The following DSC1 variants were observed in gnomAD, a reference collection of about 807,000 sequenced individuals.
The protein encoded by DSC1 is desmocollin 1, also known as desmocollin-1.
Under a neutral mutation model 98.8 loss-of-function variants are expected in DSC1, and 79 were observed. That is an observed-to-expected ratio of 0.80 (90% confidence interval 0.67 to 0.96). The LOEUF (loss-of-function observed/expected upper bound fraction) is 0.96. Ranked by LOEUF, DSC1 falls within the 50% of genes least tolerant of loss-of-function variation. The pLI is 0.00. For synonymous variants in DSC1, 405 were observed against 372.1 expected (o/e 1.09, Z -1.02); for missense variants, 1,115 against 1,075.9 (o/e 1.04, Z -0.51).
rs770939226 is a variant in DSC1 at position 31,142,183 on chromosome 18, T to C, written c.1076A>G (p.Tyr359Cys). 1 of 1,607,216 alleles carries C rather than the reference T, an allele frequency of 6.2e-7. No homozygotes were observed. The highest frequency in any genetic ancestry group is 1.1e-5 in the South Asian group (1 of 89,170). Reference protein sequence around the residue: ...DNPPSFTETSYVTEVEENRID... With the variant: ...DNPPSFTETSCVTEVEENRID... Reference sequence around the variant, plus strand: ...TCTGTTTTCTTCTACTTCTGTAACATACTGAAAGAATTGCCCCTTATTATT... The same window carrying C: ...TCTGTTTTCTTCTACTTCTGTAACACACTGAAAGAATTGCCCCTTATTATT... The change falls in exon 9 of 16, where the codon TAT (tyrosine) becomes TGT (cysteine). Residue 359 changes from tyrosine to cysteine, a missense_variant and splice_region_variant. Transcript: ENST00000257198.
chr18:31,153,475 G>A (rs906108655), intron 5 of DSC1, among the ~76,000 whole-genome samples: 1 of 152,044 alleles, frequency 6.6e-6, no homozygotes, highest in Non-Finnish European at 1.5e-5. Context: ...AGTAAAATAT[G>A]TTTATTCTAG....
At chr18:31,140,693 G>A (rs191280609) in intron 9 of DSC1, among the ~76,000 whole-genome samples, 150 of 152,272 alleles carry the variant, frequency 9.9e-4, no homozygotes, top group African/African-American at 3.3e-3. Context: ...ATAGAAATTT[G>A]GCTATAATAC....
rs771621552 is a variant in DSC1 at position 31,130,660 on chromosome 18, C to T, written c.2539G>A (p.Val847Ile). ...TTGCCTTCATAGTTATACGAACAAA[C>T]GTAGTCTTCACAATGTTTATGCTCC... Reference protein sequence around the residue: ...DEEHKHCEDYVCSYNYEGKGS... With the variant: ...DEEHKHCEDYICSYNYEGKGS... Residue 847 changes from valine to isoleucine, a missense_variant, in exon 16 of 16, where the codon GTT (valine) becomes ATT (isoleucine). Val to Ile is a conservative substitution (Grantham distance 29). Coordinates refer to ENST00000257198, the MANE Select transcript of DSC1 (RefSeq NM_024421.2). 34 of 1,614,032 alleles carry T rather than the reference C, an allele frequency of 2.1e-5. No homozygotes were observed. Among genetic ancestry groups the T allele is most frequent in the Non-Finnish European group, 2.6e-5 (31 of 1,180,024 alleles).
chr18:31,132,816 T>A (rs1988525796), intron 13 of DSC1, 127 bp from the exon 14 acceptor site: 1 of 796,598 alleles, frequency 1.3e-6, no homozygotes. Context: ...GGTCACAAGA[T>A]TTAAAAACAG....
intron 1 of DSC1, 23 bp downstream of exon 1, chr18:31,162,509 C>G: frequency 6.2e-7 from 1 of 1,613,010 alleles, no homozygotes; most frequent in Non-Finnish European, 8.5e-7. Flanking sequence ...CTTGAATTCC[C>G]TAATCCTTTG....
At position 31,130,622 on chromosome 18, in the gene DSC1, G is replaced by A. The variant is rs549641777; in HGVS notation, c.2577C>T (p.Ala859=). The A allele has an allele frequency of 3.2e-5, 51 of 1,614,070 alleles. No individual in the cohort carries two copies. Among genetic ancestry groups the A allele is most frequent in the South Asian group, 7.7e-5 (7 of 91,082 alleles). The part of the protein sequence containing the change: ...SYNYEGKGSL[A]GSVGCCSDRQ... ...GATCGCTGCAGCAACCTACTGAGCC[G>A]GCCAGAGAACCTTTGCCTTCATAGT... Residue 859 remains alanine, a synonymous_variant, in exon 16 of 16, where the codon GCC becomes GCT. Transcript: ENST00000257198.
Position 31,142,151 on chromosome 18 carries a change from C to A in DSC1, c.1108G>T (p.Val370Leu). ...VTEVEENRIDVEILRMKVQDQ... is the reference protein window; with the variant it reads ...VTEVEENRIDLEILRMKVQDQ... ...TGTACCTTCATTCGTAAAATCTCCA[C>A]GTCAATTCTGTTTTCTTCTACTTCT... is the stretch of plus-strand genomic sequence containing the variant. Residue 370 changes from valine (V) to leucine (L), a missense_variant, in exon 9 of 16, where the codon GTG becomes TTG. Physicochemically the swap from Val to Leu is conservative, Grantham distance 32 (BLOSUM62 1). Transcript: ENST00000257198. 1.2e-6 allele frequency: 2 copies of A among 1,612,638 alleles called. No homozygotes were observed. The highest frequency in any genetic ancestry group is 1.7e-4 in the Middle Eastern group (1 of 6,056).
chr18:31,158,095 C>T (rs962677113), intron 2 of DSC1, among the ~76,000 whole-genome samples: 2 of 152,016 alleles, frequency 1.3e-5, no homozygotes, highest in Non-Finnish European at 2.9e-5. Flanking sequence ...GGTGAAACTC[C>T]ATCTCTACTA....
At chr18:31,133,000 C>T (rs927990082) in intron 13 of DSC1, among the ~76,000 whole-genome samples, 2 of 151,988 alleles carry the variant, frequency 1.3e-5, no homozygotes, top group Non-Finnish European at 2.9e-5. Flanking sequence ...ATACAGAACA[C>T]ACTTAAAGGG....
rs142973502 is a variant in DSC1, at chr18:31,157,921, G to A, written c.149-348C>T. ...TTTTTATGTCATAAGTGGTATAACCGTATGATGTCAGTAGGTTTTGAACTT... is the reference window on the plus strand; with the variant it reads ...TTTTTATGTCATAAGTGGTATAACCATATGATGTCAGTAGGTTTTGAACTT... On this transcript the variant is annotated intron_variant, in intron 2 of 15. Transcript: ENST00000257198. Among the ~76,000 whole-genome samples the A allele has an allele frequency of 7.8e-3, 1,180 of 152,208 alleles. 15 individuals are homozygous for A. The highest frequency in any genetic ancestry group is 0.027 in the African/African-American group (1,125 of 41,522).
chr18:31,147,208 T>G (rs1368361509), intron 6 of DSC1, among the ~76,000 whole-genome samples: 1 of 152,210 alleles, frequency 6.6e-6, no homozygotes, highest in Non-Finnish European at 1.5e-5. Context: ...GTATATGTTT[T>G]ATTTATCAGA....
At chr18:31,157,632 A>G in intron 2 of DSC1, 59 bp from the exon 3 acceptor site, 1 of 1,581,266 alleles carries the variant, frequency 6.3e-7, no homozygotes, top group Middle Eastern at 1.7e-4. Flanking sequence ...AACAAGTTTT[A>G]CAGGAATGAC....
At position 31,161,332 on chromosome 18, in the gene DSC1, G is replaced by A. The variant is rs79833434; in HGVS notation, c.63+1200C>T. Among the ~76,000 whole-genome samples, 1,431 of 151,882 alleles carry A rather than the reference G, an allele frequency of 9.4e-3. 19 individuals carry two copies. The highest frequency in any genetic ancestry group is 0.033 in the African/African-American group (1,369 of 41,334). ...ACTGAGGCATTGTTTTGCAGAGCAT[G>A]ACTGTATATGTGCGTGTGTGTATAT... On this transcript the variant is annotated intron_variant, in intron 1 of 15. Transcript: ENST00000257198.
intron 5 of DSC1, chr18:31,150,798 G>A (rs1220768755): frequency 6.6e-6 from 1 of 152,092 alleles, no homozygotes; most frequent in South Asian, 2.1e-4. Context: ...ATCTCTATTA[G>A]ATTACAGTTG....
chr18:31,162,478 G>A, intron 1 of DSC1, 54 bp downstream of exon 1: 1 of 1,556,496 alleles, frequency 6.4e-7, no homozygotes, highest in Non-Finnish European at 8.9e-7. Context: ...AAACTGCAGA[G>A]AGGAAGCAGG....
chr18:31,137,136 T>G lies in DSC1; in HGVS notation c.1664-2352A>C, dbSNP rs76105780. On this transcript the variant is annotated intron_variant, in intron 11 of 15. Transcript: ENST00000257198. ...GTAACTAGAATCACTGTATTATAAA[T>G]CAGCCTACTCTATAAATTTTAAAAT... Among the ~76,000 whole-genome samples the G allele has an allele frequency of 1.6e-4, 25 of 151,676 alleles. No individual in the cohort carries two copies. In the East Asian group the frequency reaches 5.0e-3, roughly 30 times the overall value.
In DSC1 at chr18:31,130,284, A is replaced by G. The variant is rs1988455530; in HGVS notation, c.*230T>C. On this transcript the variant is annotated 3_prime_UTR_variant, in exon 16 of 16. Coordinates refer to ENST00000257198, the MANE Select transcript of DSC1 (RefSeq NM_024421.2). ...ACAGTACAGTCGTGAAAAGGGCAAT[A>G]TATACATGCATATAAAAGAGAATTA... The G allele has an allele frequency of 1.8e-5, 10 of 560,476 alleles. No homozygotes were observed. The South Asian group carries it at 2.0e-4, about 11-fold the overall frequency. The allele number at this position is 560,476 out of a possible 1,614,324, so 34.7% of individuals were successfully genotyped here.
chr18:31,133,188 T>A (rs939798863), intron 13 of DSC1, among the ~76,000 whole-genome samples: 78 of 152,048 alleles, frequency 5.1e-4, no homozygotes, highest in Middle Eastern at 6.8e-3. Flanking sequence ...TAGGAAAAGT[T>A]TGTAAATGCA....
At chr18:31,150,467 TCAC>T (rs1988977777) in intron 5 of DSC1, among the ~76,000 whole-genome samples, 1 of 142,784 alleles carries the variant, frequency 7.0e-6, no homozygotes, top group African/African-American at 2.6e-5. Context: ...ACCATCATCA[TCAC>T]CAGCATCATC....
Sources: gnomAD v4.1 joint callset for allele counts (sites outside exome capture counted in the v4.1 genomes callset) on GRCh38, gnomAD v4.1.1 for gene constraint, MANE v1.5 for transcripts, NCBI Gene and HGNC (gene_info 2026-07-23, HGNC 2026-07-21) for gene names.